The following FHIT variants were observed in gnomAD, a reference collection of about 807,000 sequenced individuals.
The protein encoded by FHIT is fragile histidine triad diadenosine triphosphatase, also known as bis(5'-adenosyl)-triphosphatase.
Under a neutral mutation model 17.9 loss-of-function variants are expected in FHIT, and 19 were observed. The observed-to-expected ratio is 1.06, with a 90% CI of 0.74 to 1.56. The LOEUF is 1.56. Among genes scored for constraint, FHIT ranks in the 40% most tolerant of loss-of-function variants. The pLI is 0.00. For missense variants in FHIT, 248 were observed against 189.2 expected (o/e 1.31, Z -1.82); for synonymous variants, 81 against 69.7 (o/e 1.16, Z -0.81).
intron 5 of FHIT, among the ~76,000 whole-genome samples, chr3:60,475,602 T>C (rs2033305498): frequency 6.6e-6 from 1 of 152,114 alleles, no homozygotes; most frequent in Admixed American, 6.5e-5. Context: ...AGGTGCAGGG[T>C]ATCAGTTTTG....
At chr3:60,044,988 C>A (rs1037668727) in intron 5 of FHIT, among the ~76,000 whole-genome samples, 1 of 151,820 alleles carries the variant, frequency 6.6e-6, no homozygotes, top group Non-Finnish European at 1.5e-5. Flanking sequence ...TTATTTTGAC[C>A]CAAAGTCTTA....
chr3:60,119,621 C>G (rs983059228), intron 5 of FHIT, among the ~76,000 whole-genome samples: 1 of 152,048 alleles, frequency 6.6e-6, no homozygotes, highest in Non-Finnish European at 1.5e-5. Flanking sequence ...GTCATCGTGT[C>G]GGGTAAGGAA....
intron 5 of FHIT, among the ~76,000 whole-genome samples, chr3:60,331,095 C>T (rs1709948950): frequency 6.6e-6 from 1 of 152,152 alleles, no homozygotes; most frequent in Admixed American, 6.5e-5. Flanking sequence ...TTAAGTCCAA[C>T]TCACCTACTG....
At chr3:60,903,744 G>A (rs1297800273) in intron 3 of FHIT, among the ~76,000 whole-genome samples, 1 of 152,120 alleles carries the variant, frequency 6.6e-6, no homozygotes, top group African/African-American at 2.4e-5. Flanking sequence ...GCTATTTGGT[G>A]TCTTAAACAC....
chr3:60,113,731 G>A (rs1443873210), intron 5 of FHIT, among the ~76,000 whole-genome samples: 2 of 151,252 alleles, frequency 1.3e-5, no homozygotes, highest in South Asian at 4.2e-4. Context: ...GCCGGGCGCG[G>A]TGGCTCACAC....
At chr3:60,142,578 A>T (rs1396370237) in intron 5 of FHIT, among the ~76,000 whole-genome samples, 1 of 152,086 alleles carries the variant, frequency 6.6e-6, no homozygotes, top group Non-Finnish European at 1.5e-5. Context: ...GGCTCACTAT[A>T]GCCTCAAACT....
chr3:60,934,791 A>G (rs1391452250), intron 3 of FHIT, among the ~76,000 whole-genome samples: 2 of 152,178 alleles, frequency 1.3e-5, no homozygotes. Context: ...GAAGTGGGAA[A>G]GGGGAAAGAA....
chr3:60,788,046 C>G (rs1700644015), intron 4 of FHIT, among the ~76,000 whole-genome samples: 1 of 152,120 alleles, frequency 6.6e-6, no homozygotes, highest in Non-Finnish European at 1.5e-5. Flanking sequence ...CCCATGACTT[C>G]AGTGTTAATG....
At chr3:60,564,317 C>T (rs1312515796) in intron 4 of FHIT, among the ~76,000 whole-genome samples, 1 of 152,088 alleles carries the variant, frequency 6.6e-6, no homozygotes, top group Non-Finnish European at 1.5e-5. Context: ...ACCTGGTCAC[C>T]CAAGGGCTCT....
At chr3:60,606,213 T>C (rs2038603654) in intron 4 of FHIT, among the ~76,000 whole-genome samples, 1 of 151,862 alleles carries the variant, frequency 6.6e-6, no homozygotes, top group African/African-American at 2.4e-5. Flanking sequence ...CAGTTTTGGT[T>C]CCTCAGTCCC....
At chr3:60,923,050 T>C (rs530569784) in intron 3 of FHIT, among the ~76,000 whole-genome samples, 1 of 152,198 alleles carries the variant, frequency 6.6e-6, no homozygotes, top group African/African-American at 2.4e-5. Flanking sequence ...TCAACTAGTG[T>C]GGTAGATTTA....
rs368380005 is a variant in FHIT at position 60,974,624 on chromosome 3, ACTAATATAG to A, written c.-111+67414_-111+67422del. On this transcript the variant is annotated intron_variant, in intron 3 of 9. Coordinates refer to ENST00000492590, the MANE Select transcript of FHIT (RefSeq NM_002012.4). The stretch of plus-strand genomic sequence containing the variant: ...TTCAGACCTGGAACCAAGAGTTCTT[ACTAATATAG>A]CTATACCAAAAAAGTGTGTAGCAGC... Among the ~76,000 whole-genome samples, 141 of 152,340 alleles carry A rather than the reference ACTAATATAG, an allele frequency of 9.3e-4. 1 individual carries two copies. Among genetic ancestry groups the A allele is most frequent in the African/African-American group, 3.2e-3 (132 of 41,588 alleles).
intron 3 of FHIT, among the ~76,000 whole-genome samples, chr3:60,853,093 A>G (rs1703218344): frequency 6.6e-6 from 1 of 152,076 alleles, no homozygotes; most frequent in East Asian, 1.9e-4. Flanking sequence ...TCTCCACCAT[A>G]TAAGAGCCTC....
At chr3:60,733,569 C>T (rs535044738) in intron 4 of FHIT, among the ~76,000 whole-genome samples, 95 of 152,302 alleles carry the variant, frequency 6.2e-4, no homozygotes, top group African/African-American at 2.3e-3. Context: ...ATCCTTTCCA[C>T]CAACCGATGC....
intron 5 of FHIT, among the ~76,000 whole-genome samples, chr3:60,467,658 T>G (rs1248976776): frequency 6.6e-6 from 1 of 152,122 alleles, no homozygotes; most frequent in African/African-American, 2.4e-5. Context: ...TGATTTCTAA[T>G]TTTATTCCAT....
chr3:60,923,240 T>C (rs1236959918), intron 3 of FHIT, among the ~76,000 whole-genome samples: 2 of 152,222 alleles, frequency 1.3e-5, no homozygotes, highest in Admixed American at 6.5e-5. Context: ...AGAAATGACA[T>C]AGAATGGTGG....
chr3:60,814,335 T>C (rs1701665364), intron 4 of FHIT, among the ~76,000 whole-genome samples: 1 of 152,004 alleles, frequency 6.6e-6, no homozygotes, highest in African/African-American at 2.4e-5. Flanking sequence ...CACCATTTGG[T>C]TTTTCAACCT....
chr3:60,461,161 T>G (rs2885639), intron 5 of FHIT, among the ~76,000 whole-genome samples: 31,383 of 152,134 alleles, frequency 0.21, 3,351 homozygotes, highest in Admixed American at 0.3. Flanking sequence ...TCTAATTCTG[T>G]AAGTGCCAAA....
chr3:60,588,770 T>G (rs1175019964), intron 4 of FHIT, among the ~76,000 whole-genome samples: 1 of 152,064 alleles, frequency 6.6e-6, no homozygotes, highest in Non-Finnish European at 1.5e-5. Flanking sequence ...TGGCCTCAGC[T>G]TCCCAAAGTG....
Sources: allele counts gnomAD v4.1 joint callset (sites outside exome capture counted in the v4.1 genomes callset), GRCh38; gene constraint gnomAD v4.1.1; transcripts MANE v1.5; gene names NCBI Gene and HGNC (gene_info 2026-07-23, HGNC 2026-07-21).